The following CTNND2 variants were observed in gnomAD, a reference collection of about 807,000 sequenced individuals.
CTNND2 encodes catenin delta 2.
Under a neutral mutation model 144.4 loss-of-function variants are expected in CTNND2, and 22 were observed. The ratio of observed to expected loss-of-function variants is 0.15; its 90% confidence interval spans 0.11 to 0.22. The LOEUF (loss-of-function observed/expected upper bound fraction) is 0.22, where lower values mean the gene tolerates loss of function less well. CTNND2 is among the 10% of genes least tolerant of loss of function. The probability of loss-of-function intolerance (pLI) is 1.00; values close to 1 mark genes in which losing one functional copy is unlikely to be tolerated. For synonymous variants in CTNND2, 751 were observed against 695.6 expected, an observed-to-expected ratio of 1.08 and a Z score of -1.25; for missense variants, 1,353 against 1,618.8, an observed-to-expected ratio of 0.84 and a Z score of 2.82.
chr5:11,308,486 G>A (rs1265150412), intron 9 of CTNND2, among the ~76,000 whole-genome samples: 2 of 152,188 alleles, frequency 1.3e-5, no homozygotes, highest in Non-Finnish European at 2.9e-5. Flanking sequence ...CAGGTTGTGG[G>A]CCAGATTTGT....
At chr5:11,288,280 T>C (rs1048513847) in intron 9 of CTNND2, among the ~76,000 whole-genome samples, 2 of 152,218 alleles carry the variant, frequency 1.3e-5, no homozygotes, top group African/African-American at 4.8e-5. Context: ...ATTCATGTTC[T>C]TCTTTTTGTG....
chr5:11,337,548 G>T (rs1002859467), intron 9 of CTNND2, among the ~76,000 whole-genome samples: 1 of 152,088 alleles, frequency 6.6e-6, no homozygotes, highest in Non-Finnish European at 1.5e-5. Context: ...AAATCCCATA[G>T]ATAACACATG....
chr5:10,978,866 A>G (rs1229496538), intron 21 of CTNND2, among the ~76,000 whole-genome samples: 1 of 152,240 alleles, frequency 6.6e-6, no homozygotes, highest in East Asian at 1.9e-4. Context: ...TCATTTGCTT[A>G]AATGCTCGGG....
At chr5:11,309,326 A>G (rs1750570735) in intron 9 of CTNND2, among the ~76,000 whole-genome samples, 3 of 152,234 alleles carry the variant, frequency 2.0e-5, no homozygotes, top group Admixed American at 2.0e-4. Flanking sequence ...CCACAGGGGC[A>G]GAGCTCCCCA....
At chr5:11,494,575 G>T (rs1399712785) in intron 3 of CTNND2, among the ~76,000 whole-genome samples, 1 of 152,276 alleles carries the variant, frequency 6.6e-6, no homozygotes, top group African/African-American at 2.4e-5. Flanking sequence ...CTGAAAATTT[G>T]CAATAAAAAT....
At chr5:11,369,374 CA>C (rs1317495823) in intron 7 of CTNND2, among the ~76,000 whole-genome samples, 1 of 152,174 alleles carries the variant, frequency 6.6e-6, no homozygotes, top group East Asian at 1.9e-4. Context: ...AAAATAATTA[CA>C]AGGCTGAAAA....
At chr5:11,489,198 C>T (rs1305852811) in intron 3 of CTNND2, among the ~76,000 whole-genome samples, 3 of 152,166 alleles carry the variant, frequency 2.0e-5, no homozygotes, top group African/African-American at 7.2e-5. Flanking sequence ...GCTCCACATT[C>T]TCTCCAGAAC....
chr5:11,160,930 C>T (rs1758712409), intron 11 of CTNND2, among the ~76,000 whole-genome samples: 1 of 152,090 alleles, frequency 6.6e-6, no homozygotes, highest in Admixed American at 6.5e-5. Context: ...AAATAAGTGA[C>T]TATAAAAATA....
At chr5:11,322,771 C>A (rs1190483955) in intron 9 of CTNND2, among the ~76,000 whole-genome samples, 1 of 151,998 alleles carries the variant, frequency 6.6e-6, no homozygotes, top group Non-Finnish European at 1.5e-5. Context: ...CATTCTCCTT[C>A]GGCAGGTAAC....
intron 1 of CTNND2, among the ~76,000 whole-genome samples, chr5:11,746,606 G>A (rs543241736): frequency 1.3e-5 from 2 of 152,042 alleles, no homozygotes; most frequent in Admixed American, 1.3e-4. Context: ...CTAAATCAAT[G>A]ATATACTCAA....
chr5:11,058,661 A>G (rs573117785), intron 16 of CTNND2, among the ~76,000 whole-genome samples: 1 of 152,370 alleles, frequency 6.6e-6, no homozygotes, highest in Admixed American at 6.5e-5. Flanking sequence ...GAAGAGGGCT[A>G]CCATCCTCCA....
chr5:11,858,596 A>G (rs1795354364), intron 1 of CTNND2, among the ~76,000 whole-genome samples: 1 of 152,218 alleles, frequency 6.6e-6, no homozygotes, highest in African/African-American at 2.4e-5. Flanking sequence ...TTTTTCTGTT[A>G]CTATCCACGT....
At chr5:11,576,095 A>G (rs927690801) in intron 2 of CTNND2, among the ~76,000 whole-genome samples, 32 of 152,128 alleles carry the variant, frequency 2.1e-4, no homozygotes, top group African/African-American at 7.7e-4. Flanking sequence ...TCCTCTCCAG[A>G]CATACATAAC....
At chr5:11,150,511 T>C (rs981704681) in intron 12 of CTNND2, among the ~76,000 whole-genome samples, 1 of 151,726 alleles carries the variant, frequency 6.6e-6, no homozygotes, top group African/African-American at 2.4e-5. Context: ...AAAGAGGATG[T>C]GGGGCCAGCA....
intron 1 of CTNND2, among the ~76,000 whole-genome samples, chr5:11,757,355 T>C (rs1046310189): frequency 6.6e-6 from 1 of 151,926 alleles, no homozygotes; most frequent in African/African-American, 2.4e-5. Context: ...TTTTTAGTTC[T>C]CTCCTCTACA....
In CTNND2 at chr5:11,389,318, T is replaced by C. The variant is rs546790394; in HGVS notation, c.613-4089A>G. On this transcript the variant is annotated intron_variant, in intron 6 of 21. Transcript: ENST00000304623. ...ATTCAACAGTTTCTGATAGGTAGAG[T>C]ATGGTGCACATTAAGTGTAGTTCAG... Among the ~76,000 whole-genome samples, 255 of 152,276 alleles carry C rather than the reference T, an allele frequency of 1.7e-3. 1 individual carries two copies. Among genetic ancestry groups the C allele is most frequent in the African/African-American group, 5.8e-3 (242 of 41,560 alleles).
At chr5:11,750,440 A>T (rs186595133) in intron 1 of CTNND2, among the ~76,000 whole-genome samples, 1 of 152,032 alleles carries the variant, frequency 6.6e-6, no homozygotes. Context: ...GGATTAAGCC[A>T]GTGTGATTTT....
intron 15 of CTNND2, among the ~76,000 whole-genome samples, chr5:11,085,948 C>T (rs184494038): frequency 6.6e-6 from 1 of 152,252 alleles, no homozygotes; most frequent in African/African-American, 2.4e-5. Flanking sequence ...TGTACCATCC[C>T]AGAATGGCAG....
At chr5:11,775,758 C>G (rs187199823) in intron 1 of CTNND2, among the ~76,000 whole-genome samples, 2 of 152,170 alleles carry the variant, frequency 1.3e-5, no homozygotes, top group African/African-American at 4.8e-5. Flanking sequence ...GAATAATATA[C>G]CCCCGACATT....
Sources: gnomAD v4.1 joint callset for allele counts (sites outside exome capture counted in the v4.1 genomes callset) on GRCh38, gnomAD v4.1.1 for gene constraint, MANE v1.5 for transcripts, NCBI Gene and HGNC (gene_info 2026-07-23, HGNC 2026-07-21) for gene names.